The following ALK variants were observed in gnomAD, a reference collection of about 807,000 sequenced individuals.
ALK encodes the protein ALK receptor tyrosine kinase.
ALK carries 74 observed loss-of-function variants against 163.1 expected under a neutral mutation model. That is an observed-to-expected ratio of 0.45 (90% CI 0.38 to 0.55). The LOEUF is 0.55. ALK is among the 20% of genes least tolerant of loss of function. ALK has a pLI of 0.00. For synonymous variants in ALK, 960 were observed against 843.2 expected (o/e 1.14, Z -2.40); for missense variants, 2,063 against 2,105.3 (o/e 0.98, Z 0.39).
intron 4 of ALK, among the ~76,000 whole-genome samples, chr2:29,458,890 G>A (rs1051600528): frequency 6.6e-6 from 1 of 152,066 alleles, no homozygotes; most frequent in African/African-American, 2.4e-5. Context: ...ACTCCCAAAT[G>A]CCCATTGTAG....
intron 1 of ALK, among the ~76,000 whole-genome samples, chr2:29,797,003 CA>C (rs1664332080): frequency 1.5e-5 from 2 of 132,594 alleles, no homozygotes; most frequent in African/African-American, 6.3e-5. Flanking sequence ...CGCACACCCA[CA>C]CACACACACA....
intron 1 of ALK, among the ~76,000 whole-genome samples, chr2:29,915,270 G>A (rs1037238682): frequency 1.3e-4 from 20 of 152,134 alleles, no homozygotes; most frequent in African/African-American, 4.8e-4. Context: ...TTCTCACTCT[G>A]TTGCCCAGGC....
intron 5 of ALK, among the ~76,000 whole-genome samples, chr2:29,351,207 A>G (rs1668103231): frequency 6.6e-6 from 1 of 152,206 alleles, no homozygotes; most frequent in African/African-American, 2.4e-5. Flanking sequence ...TAGATGAAAA[A>G]TACTTCTGTT....
intron 24 of ALK, among the ~76,000 whole-genome samples, chr2:29,210,686 G>A (rs1169806347): frequency 6.6e-6 from 1 of 151,988 alleles, no homozygotes; most frequent in Non-Finnish European, 1.5e-5. Context: ...CACCTGCCTC[G>A]GCCTCCCAAA....
intron 3 of ALK, among the ~76,000 whole-genome samples, chr2:29,640,135 C>G (rs2339541): frequency 0.62 from 94,686 of 152,056 alleles, 30,421 homozygotes; most frequent in East Asian, 0.73. Flanking sequence ...CCATGATTCT[C>G]TATTGCAATT....
rs146131314 is a variant in ALK, at chr2:29,527,320, G to T, written c.1154+4595C>A. 9.1e-4 allele frequency among the ~76,000 whole-genome samples: 138 copies of T among 152,256 alleles called. No individual in the cohort carries two copies. In the East Asian group the frequency reaches 0.021, roughly 23 times the overall value. On this transcript the variant is annotated intron_variant, in intron 4 of 28. Transcript: ENST00000389048. ...TCAGAACTGACTGCCTTAAGTAAGCGCGGCAGCTGTGTGGGTACCCAGCAT... is the reference window on the plus strand; with the variant it reads ...TCAGAACTGACTGCCTTAAGTAAGCTCGGCAGCTGTGTGGGTACCCAGCAT...
At chr2:29,291,212 T>A (rs1031937580) in intron 9 of ALK, among the ~76,000 whole-genome samples, 2 of 151,630 alleles carry the variant, frequency 1.3e-5, no homozygotes, top group South Asian at 2.1e-4. Flanking sequence ...TTTTTTTTTT[T>A]AATTAGCTGG....
At chr2:29,658,347 C>A (rs1158549216) in intron 3 of ALK, among the ~76,000 whole-genome samples, 1 of 152,128 alleles carries the variant, frequency 6.6e-6, no homozygotes, top group African/African-American at 2.4e-5. Flanking sequence ...CTTCTCTTAC[C>A]TCACCTGAAC....
At chr2:29,218,230 G>T (rs1314896223) in intron 23 of ALK, among the ~76,000 whole-genome samples, 1 of 152,204 alleles carries the variant, frequency 6.6e-6, no homozygotes, top group Non-Finnish European at 1.5e-5. Flanking sequence ...GGGTGTGCCT[G>T]GTTGGCAACG....
chr2:29,496,585 G>A (rs1672030147), intron 4 of ALK, among the ~76,000 whole-genome samples: 1 of 152,188 alleles, frequency 6.6e-6, no homozygotes, highest in Non-Finnish European at 1.5e-5. Flanking sequence ...CCTTGAGGAA[G>A]AGATAACTTT....
At chr2:29,401,356 A>C (rs186836952) in intron 4 of ALK, among the ~76,000 whole-genome samples, 1 of 152,178 alleles carries the variant, frequency 6.6e-6, no homozygotes, top group South Asian at 2.1e-4. Flanking sequence ...AAAGCACCAC[A>C]GGACTCTCCA....
At chr2:29,791,421 T>A (rs1175974766) in intron 1 of ALK, among the ~76,000 whole-genome samples, 1 of 152,046 alleles carries the variant, frequency 6.6e-6, no homozygotes, top group Non-Finnish European at 1.5e-5. Context: ...TAAGTGGGAA[T>A]TGATCAATGA....
At chr2:29,288,048 C>T (rs927861632) in intron 9 of ALK, among the ~76,000 whole-genome samples, 12 of 149,702 alleles carry the variant, frequency 8.0e-5, no homozygotes, top group African/African-American at 2.2e-4. Flanking sequence ...ATGACTAACA[C>T]ACTCATGGGG....
chr2:29,650,779 G>T (rs1677015854), intron 3 of ALK, among the ~76,000 whole-genome samples: 1 of 152,036 alleles, frequency 6.6e-6, no homozygotes, highest in Non-Finnish European at 1.5e-5. Flanking sequence ...TCAACCAAAG[G>T]GAAAATGGCA....
chr2:29,700,374 G>A (rs1356104635), intron 2 of ALK, among the ~76,000 whole-genome samples: 1 of 152,128 alleles, frequency 6.6e-6, no homozygotes, highest in Admixed American at 6.5e-5. Flanking sequence ...GAGAAACCCT[G>A]TCTCTACTAA....
At chr2:29,339,647 C>T (rs548266212) in intron 5 of ALK, among the ~76,000 whole-genome samples, 1 of 152,176 alleles carries the variant, frequency 6.6e-6, no homozygotes, top group African/African-American at 2.4e-5. Flanking sequence ...GCTGTTGTAA[C>T]CGACCAAGCA....
intron 4 of ALK, among the ~76,000 whole-genome samples, chr2:29,442,526 G>A (rs528887247): frequency 6.6e-6 from 1 of 152,162 alleles, no homozygotes; most frequent in South Asian, 2.1e-4. Flanking sequence ...ATGACCTGGC[G>A]ATCTTCAATA....
Position 29,193,179 on chromosome 2 carries a change from C to T in ALK, c.*45G>A, listed in dbSNP as rs186421480. ...GGAGCCATTGCCTCTCTCTCCTCCA[C>T]GGTCTTAGGGATCCCAAGGAAGAGA... On this transcript the variant is annotated 3_prime_UTR_variant, in exon 29 of 29. Transcript: ENST00000389048. 2.6e-4 allele frequency: 418 copies of T among 1,590,358 alleles called. No homozygotes were observed. The South Asian group carries it at 3.6e-3, about 14-fold the overall frequency.
intron 4 of ALK, among the ~76,000 whole-genome samples, chr2:29,499,899 C>G (rs964482425): frequency 1.3e-5 from 2 of 152,152 alleles, no homozygotes; most frequent in Admixed American, 1.3e-4. Flanking sequence ...TTCCCCTGTT[C>G]TTCCCTCCCC....
Sources: allele counts gnomAD v4.1 joint callset (sites outside exome capture counted in the v4.1 genomes callset), GRCh38; gene constraint gnomAD v4.1.1; transcripts MANE v1.5; gene names NCBI Gene and HGNC (gene_info 2026-07-23, HGNC 2026-07-21).